Variants in SUGCT observed in about 807,000 individuals in gnomAD.
The protein encoded by SUGCT is succinyl-CoA:glutarate CoA-transferase.
In SUGCT, 41 loss-of-function variants were observed where a neutral mutation model predicts 55.0. That is an observed-to-expected ratio of 0.74 (90% CI 0.58 to 0.97). SUGCT has a LOEUF of 0.97. Among genes scored for constraint, SUGCT ranks in the 50% least tolerant of loss-of-function variants. The pLI is 0.00. For missense variants in SUGCT, 568 were observed against 547.8 expected, an observed-to-expected ratio of 1.04 and a Z score of -0.37; for synonymous variants, 187 against 200.4, an observed-to-expected ratio of 0.93 and a Z score of 0.56.
At chr7:40,893,089 G>A in the SUGCT span, among the ~76,000 whole-genome samples, 3 of 151,876 alleles carry the variant, frequency 2.0e-5, no homozygotes, top group Non-Finnish European at 4.4e-5. Context: ...AAAGAAGGTC[G>A]CTATATAATG....
chr7:40,473,562 A>G (rs1790509104), intron 11 of SUGCT, among the ~76,000 whole-genome samples: 1 of 152,058 alleles, frequency 6.6e-6, no homozygotes, highest in African/African-American at 2.4e-5. Flanking sequence ...TTTTGATAGT[A>G]CTTTTGACCC....
At chr7:40,358,556 T>C (rs1797988176) in intron 9 of SUGCT, among the ~76,000 whole-genome samples, 1 of 151,902 alleles carries the variant, frequency 6.6e-6, no homozygotes, top group Non-Finnish European at 1.5e-5. Flanking sequence ...CTACTAAAAA[T>C]ACAAAAAATT....
chr7:40,467,727 A>G (rs1331169455), intron 11 of SUGCT, among the ~76,000 whole-genome samples: 1 of 152,128 alleles, frequency 6.6e-6, no homozygotes, highest in Non-Finnish European at 1.5e-5. Context: ...TTGTGTTTAC[A>G]AAGTTATTTT....
the SUGCT span, among the ~76,000 whole-genome samples, chr7:40,888,910 G>A: frequency 6.6e-6 from 1 of 152,256 alleles, no homozygotes; most frequent in Non-Finnish European, 1.5e-5. Flanking sequence ...AGCCATGGCT[G>A]CTGCTCAGCT....
chr7:41,014,364 G>A, the SUGCT span, among the ~76,000 whole-genome samples: 1 of 152,124 alleles, frequency 6.6e-6, no homozygotes, highest in South Asian at 2.1e-4. Context: ...ACAGGTATTA[G>A]TTACTTAAAA....
At chr7:40,571,424 T>C (rs1484694483) in intron 12 of SUGCT, among the ~76,000 whole-genome samples, 1 of 152,248 alleles carries the variant, frequency 6.6e-6, no homozygotes, top group African/African-American at 2.4e-5. Context: ...TAATTTTGAG[T>C]TCCATGTCTA....
the SUGCT span, among the ~76,000 whole-genome samples, chr7:40,913,387 A>C: frequency 1.3e-5 from 2 of 152,182 alleles, no homozygotes; most frequent in Non-Finnish European, 2.9e-5. Flanking sequence ...TAAGAACATC[A>C]CATGGTCCCC....
At chr7:40,642,792 G>T (rs917785561) in intron 12 of SUGCT, among the ~76,000 whole-genome samples, 10 of 152,032 alleles carry the variant, frequency 6.6e-5, no homozygotes, top group South Asian at 2.1e-4. Context: ...AGCCGAATTG[G>T]TTTTTTTCTG....
intron 9 of SUGCT, among the ~76,000 whole-genome samples, chr7:40,367,260 T>A (rs1379255373): frequency 1.0e-5 from 1 of 95,688 alleles, no homozygotes; most frequent in East Asian, 3.2e-4. Flanking sequence ...CTCCGGGGAC[T>A]GTTGTGGGGT....
At chr7:40,917,956 A>G in the SUGCT span, among the ~76,000 whole-genome samples, 3 of 152,174 alleles carry the variant, frequency 2.0e-5, no homozygotes, top group African/African-American at 4.8e-5. Flanking sequence ...TTGGCTGGAT[A>G]CAATCATTCA....
At chr7:40,918,003 A>G in the SUGCT span, among the ~76,000 whole-genome samples, 1 of 152,178 alleles carries the variant, frequency 6.6e-6, no homozygotes, top group Admixed American at 6.5e-5. Flanking sequence ...AGGCCTAGAT[A>G]TAGGAGGGCA....
chr7:40,942,739 G>A, the SUGCT span, among the ~76,000 whole-genome samples: 1 of 150,750 alleles, frequency 6.6e-6, no homozygotes, highest in Non-Finnish European at 1.5e-5. Context: ...ATATTTCTTG[G>A]AGACATTGTT....
downstream of SUGCT, among the ~76,000 whole-genome samples, chr7:40,865,126 C>T (rs1469467424): frequency 6.6e-6 from 1 of 151,828 alleles, no homozygotes; most frequent in African/African-American, 2.4e-5. Context: ...CTTTTTCCTC[C>T]TGTCCTTTTA....
chr7:41,031,943 T>G, the SUGCT span, among the ~76,000 whole-genome samples: 3 of 152,034 alleles, frequency 2.0e-5, no homozygotes, highest in Non-Finnish European at 4.4e-5. Context: ...CCAGCTTCAC[T>G]CCATCATGCT....
intron 1 of SUGCT, among the ~76,000 whole-genome samples, chr7:40,162,148 G>A (rs565226232): frequency 9.9e-5 from 15 of 152,120 alleles, no homozygotes; most frequent in African/African-American, 3.4e-4. Flanking sequence ...CGCCCGCCTC[G>A]GCCTCCCAAA....
intron 12 of SUGCT, among the ~76,000 whole-genome samples, chr7:40,679,690 A>G (rs1459881997): frequency 2.6e-5 from 4 of 152,210 alleles, no homozygotes; most frequent in African/African-American, 9.6e-5. Flanking sequence ...TAACATTGGA[A>G]AATTTATGAT....
intron 7 of SUGCT, among the ~76,000 whole-genome samples, chr7:40,244,583 G>T (rs912618175): frequency 3.9e-5 from 6 of 152,194 alleles, no homozygotes; most frequent in African/African-American, 1.4e-4. Context: ...TGGCCCAAGT[G>T]TGCAGGATGG....
At chr7:40,585,679 C>CT (rs1797337578) in intron 12 of SUGCT, among the ~76,000 whole-genome samples, 1 of 151,988 alleles carries the variant, frequency 6.6e-6, no homozygotes, top group African/African-American at 2.4e-5. Context: ...TGCCTCTAAA[C>CT]TTTTTTGTTT....
intron 1 of SUGCT, among the ~76,000 whole-genome samples, chr7:40,149,154 A>T (rs190715140): frequency 4.6e-4 from 70 of 152,298 alleles, no homozygotes; most frequent in African/African-American, 1.6e-3. Context: ...ATTCTTTGAA[A>T]AGTAAAATAA....
Sources: gnomAD v4.1 joint callset for allele counts (sites outside exome capture counted in the v4.1 genomes callset) on GRCh38, gnomAD v4.1.1 for gene constraint, MANE v1.5 for transcripts, NCBI Gene and HGNC (gene_info 2026-07-23, HGNC 2026-07-21) for gene names.